Variants in ADARB2 observed in about 807,000 individuals in gnomAD.
The protein encoded by ADARB2 is adenosine deaminase RNA specific B2 (inactive).
In ADARB2, 25 loss-of-function variants were observed where a neutral mutation model predicts 62.2. The observed-to-expected ratio is 0.40, with a 90% CI of 0.29 to 0.56. The LOEUF (loss-of-function observed/expected upper bound fraction) is 0.56. ADARB2 is among the 20% of genes least tolerant of loss of function. The pLI, the probability that ADARB2 is intolerant of heterozygous loss-of-function variation, is 0.43. For missense variants in ADARB2, 1,071 were observed against 1,077.4 expected, an observed-to-expected ratio of 0.99 and a Z score of 0.08; for synonymous variants, 572 against 500.8, an observed-to-expected ratio of 1.14 and a Z score of -1.90.
At chr10:1,618,495 T>G (rs1366827021) in intron 1 of ADARB2, among the ~76,000 whole-genome samples, 1 of 152,174 alleles carries the variant, frequency 6.6e-6, no homozygotes, top group Non-Finnish European at 1.5e-5. Flanking sequence ...AAAGTAATTT[T>G]TACTTTCAAC....
intron 1 of ADARB2, among the ~76,000 whole-genome samples, chr10:1,393,683 C>G (rs1832588630): frequency 6.6e-6 from 1 of 152,170 alleles, no homozygotes; most frequent in South Asian, 2.1e-4. Flanking sequence ...CGTTATGCAC[C>G]ACGCTCCAGC....
intron 1 of ADARB2, among the ~76,000 whole-genome samples, chr10:1,390,900 T>C (rs1361147616): frequency 6.6e-6 from 1 of 152,200 alleles, no homozygotes; most frequent in Non-Finnish European, 1.5e-5. Context: ...CAGTGGTCCA[T>C]TTCCAAGACA....
At position 1,665,543 on chromosome 10, in the gene ADARB2, G is replaced by A. The variant is rs141984027; in HGVS notation, c.100+71508C>T. Among the ~76,000 whole-genome samples, 523 of 152,392 alleles carry A rather than the reference G, an allele frequency of 3.4e-3. 4 individuals are homozygous for A. Among genetic ancestry groups the A allele is most frequent in the African/African-American group, 0.012 (489 of 41,600 alleles). On this transcript the variant is annotated intron_variant, in intron 1 of 9. Coordinates refer to ENST00000381312, the MANE Select transcript of ADARB2 (RefSeq NM_018702.4). ...TCCCCAGGCACCCCACCCAGGCGGT[G>A]CATAGACAGTGCTAGGCCCTGCATG...
chr10:1,534,091 A>T (rs1488318154), intron 1 of ADARB2, among the ~76,000 whole-genome samples: 1 of 151,404 alleles, frequency 6.6e-6, no homozygotes, highest in East Asian at 1.9e-4. Context: ...GGAGACAAAC[A>T]CTAGGGTTAA....
chr10:1,519,035 G>A (rs374932755), intron 1 of ADARB2, among the ~76,000 whole-genome samples: 28 of 151,620 alleles, frequency 1.8e-4, no homozygotes, highest in Admixed American at 3.3e-4. Flanking sequence ...TCATACACAC[G>A]CATTCTGTGT....
chr10:1,585,802 AG>A (rs995579414), intron 1 of ADARB2, among the ~76,000 whole-genome samples: 32 of 152,328 alleles, frequency 2.1e-4, no homozygotes, highest in African/African-American at 7.5e-4. Context: ...TGGGAGGCCA[AG>A]GTGGGCAGAT....
At position 1,307,299 on chromosome 10, in the gene ADARB2, C is replaced by T. The variant is rs940530319; in HGVS notation, c.1078-36230G>A. ...TGAACAAACACTTCTCAAAAGAAGACATTTATGCAGCCAAAAAACACATGA... is the reference window on the plus strand; with the variant it reads ...TGAACAAACACTTCTCAAAAGAAGATATTTATGCAGCCAAAAAACACATGA... On this transcript the variant is annotated intron_variant, in intron 3 of 9. Coordinates refer to ENST00000381312, the MANE Select transcript of ADARB2 (RefSeq NM_018702.4). Among the ~76,000 whole-genome samples the T allele has an allele frequency of 9.1e-4, 89 of 97,466 alleles. 14 individuals are homozygous for T. Among genetic ancestry groups the T allele is most frequent in the African/African-American group, 2.4e-3 (83 of 34,764 alleles). The allele number at this position is 97,466 out of a possible 152,430, so 63.9% of individuals were successfully genotyped here. A position where few individuals can be genotyped will look rare whatever the true frequency, so the allele number is the denominator to read the frequency against.
At chr10:1,628,577 T>G (rs1272777081) in intron 1 of ADARB2, among the ~76,000 whole-genome samples, 1 of 152,248 alleles carries the variant, frequency 6.6e-6, no homozygotes, top group Non-Finnish European at 1.5e-5. Flanking sequence ...TGGCCGAATG[T>G]CACTAGAGAC....
chr10:1,387,783 C>T (rs1413815988), intron 1 of ADARB2, among the ~76,000 whole-genome samples: 9 of 151,866 alleles, frequency 5.9e-5, no homozygotes, highest in Non-Finnish European at 2.9e-5. Context: ...CAAAACCAAT[C>T]AATGATGTTA....
rs771580386 is a variant in ADARB2, at chr10:1,363,775, C to T, written c.330G>A (p.Leu110=). 9 of 1,602,426 alleles carry T rather than the reference C, an allele frequency of 5.6e-6. No homozygotes were observed. Among genetic ancestry groups the T allele is most frequent in the Non-Finnish European group, 7.6e-6 (9 of 1,179,230 alleles). ...RPLEEGNGGH[L]CKLQLVWKKL... ...TCTTCCAGACCAGCTGCAGTTTGCA[C>T]AAGTGGCCCCCATTCCCCTCCTCCA... The change falls in exon 3 of 10, where the codon TTG becomes TTA. Residue 110 remains leucine, a synonymous_variant. Transcript: ENST00000381312.
At chr10:1,648,613 T>G (rs1834073947) in intron 1 of ADARB2, among the ~76,000 whole-genome samples, 2 of 152,200 alleles carry the variant, frequency 1.3e-5, no homozygotes, top group African/African-American at 4.8e-5. Context: ...CAAGAGACCC[T>G]GGCCCCCGTG....
At chr10:1,508,551 C>A (rs939693941) in intron 1 of ADARB2, among the ~76,000 whole-genome samples, 1 of 152,108 alleles carries the variant, frequency 6.6e-6, no homozygotes, top group Non-Finnish European at 1.5e-5. Context: ...AGACCAAGGC[C>A]GGCTGATTGT....
intron 1 of ADARB2, among the ~76,000 whole-genome samples, chr10:1,736,219 C>T (rs7088348): frequency 6.6e-6 from 1 of 152,204 alleles, no homozygotes; most frequent in South Asian, 2.1e-4. Context: ...TTCTTCCTGG[C>T]ATGCACACAG....
At chr10:1,353,567 TTA>T (rs1490496849) in intron 3 of ADARB2, among the ~76,000 whole-genome samples, 1 of 152,142 alleles carries the variant, frequency 6.6e-6, no homozygotes, top group Non-Finnish European at 1.5e-5. Context: ...CCGCACTTAC[TTA>T]AAAAACCCTT....
chr10:1,567,343 G>A (rs896355464), intron 1 of ADARB2, among the ~76,000 whole-genome samples: 5 of 152,180 alleles, frequency 3.3e-5, no homozygotes, highest in Non-Finnish European at 5.9e-5. Flanking sequence ...CTTTGAGCTC[G>A]CAGGCGTGAA....
chr10:1,470,261 T>C (rs1433184487), intron 1 of ADARB2, among the ~76,000 whole-genome samples: 1 of 152,202 alleles, frequency 6.6e-6, no homozygotes, highest in Non-Finnish European at 1.5e-5. Context: ...TACAAGTGCC[T>C]TCGAGGTCAT....
chr10:1,720,875 C>T (rs370461738), intron 1 of ADARB2, among the ~76,000 whole-genome samples: 11 of 152,274 alleles, frequency 7.2e-5, no homozygotes, highest in African/African-American at 2.4e-4. Flanking sequence ...GATGTCCTGG[C>T]GCCACTGGCT....
intron 3 of ADARB2, among the ~76,000 whole-genome samples, chr10:1,294,678 C>T (rs955278229): frequency 2.0e-5 from 3 of 152,154 alleles, no homozygotes; most frequent in Admixed American, 1.3e-4. Flanking sequence ...TTGCCCCCAA[C>T]GTCAAAGCTT....
chr10:1,291,452 AGT>A (rs1457212370), intron 3 of ADARB2: 2 of 152,304 alleles, frequency 1.3e-5, no homozygotes, highest in Non-Finnish European at 2.9e-5. Context: ...TTCACAGCTC[AGT>A]GTGTGTAGAA....
Sources: gnomAD v4.1 joint callset for allele counts (sites outside exome capture counted in the v4.1 genomes callset) on GRCh38, gnomAD v4.1.1 for gene constraint, MANE v1.5 for transcripts, NCBI Gene and HGNC (gene_info 2026-07-23, HGNC 2026-07-21) for gene names.